GLCE: variants seen among roughly 807,000 people sequenced by gnomAD.
GLCE encodes the protein glucuronic acid epimerase.
A neutral mutation model predicts 47.9 loss-of-function variants in GLCE; 19 were observed. That is an observed-to-expected ratio of 0.40 (90% CI 0.28 to 0.58). The LOEUF (loss-of-function observed/expected upper bound fraction) is 0.58. Among genes scored for constraint, GLCE ranks in the 20% least tolerant of loss-of-function variants. The pLI is 0.48. For missense variants in GLCE, 556 were observed against 743.3 expected (o/e 0.75, Z 2.93); for synonymous variants, 245 against 263.4 (o/e 0.93, Z 0.68).
intron 1 of GLCE, among the ~76,000 whole-genome samples, chr15:69,188,089 A>C (rs1241304544): frequency 6.6e-6 from 1 of 152,038 alleles, no homozygotes; most frequent in Non-Finnish European, 1.5e-5. Context: ...ACAACAACAA[A>C]AAAATTAGCT....
intron 2 of GLCE, among the ~76,000 whole-genome samples, chr15:69,235,091 T>A (rs12440704): frequency 0.13 from 14,461 of 110,454 alleles, 888 homozygotes; most frequent in East Asian, 0.16. Context: ...ATGAAGATTA[T>A]TCTTTTTTTT....
At chr15:69,233,590 T>G (rs1191809641) in intron 2 of GLCE, among the ~76,000 whole-genome samples, 2 of 152,194 alleles carry the variant, frequency 1.3e-5, no homozygotes, top group Admixed American at 6.5e-5. Context: ...CTTTGCTTCC[T>G]AGAGGTGGAG....
intron 2 of GLCE, among the ~76,000 whole-genome samples, chr15:69,232,911 A>G (rs1343635191): frequency 6.6e-6 from 1 of 152,224 alleles, no homozygotes; most frequent in Admixed American, 6.5e-5. Flanking sequence ...GTCATAGACT[A>G]AATGAGAGTA....
chr15:69,257,699 TA>T (rs2052946955), intron 3 of GLCE, among the ~76,000 whole-genome samples: 1 of 152,020 alleles, frequency 6.6e-6, no homozygotes, highest in Non-Finnish European at 1.5e-5. Flanking sequence ...CCTATACTCT[TA>T]CCACCTCAAT....
At position 69,268,647 on chromosome 15, in the gene GLCE, A is replaced by G; in HGVS notation, c.1257A>G (p.Lys419=). The G allele has an allele frequency of 6.2e-7, 1 of 1,614,218 alleles. No homozygotes were observed. Among genetic ancestry groups the G allele is most frequent in the Non-Finnish European group, 8.5e-7 (1 of 1,180,038 alleles). ...SDWLVRNQDE[K]GGWPIMVTRK... The stretch of plus-strand genomic sequence containing the variant: ...GGCTAGTAAGGAACCAGGATGAGAA[A>G]GGTGGCTGGCCAATTATGGTGACCC... The change falls in exon 5 of 5, where the codon AAA becomes AAG. Residue 419 remains lysine (K), a synonymous_variant. Coordinates refer to ENST00000261858, the MANE Select transcript of GLCE (RefSeq NM_015554.3).
chr15:69,170,134 A>G (rs2051567664), intron 1 of GLCE, among the ~76,000 whole-genome samples: 1 of 152,180 alleles, frequency 6.6e-6, no homozygotes, highest in Non-Finnish European at 1.5e-5. Context: ...GCTAATTTAT[A>G]TGCCAATATG....
chr15:69,184,777 T>C (rs2051798610), intron 1 of GLCE, among the ~76,000 whole-genome samples: 1 of 152,226 alleles, frequency 6.6e-6, no homozygotes, highest in African/African-American at 2.4e-5. Flanking sequence ...AGTGCTGGCT[T>C]TATTCCAGGG....
At chr15:69,179,796 G>T (rs191198249) in intron 1 of GLCE, among the ~76,000 whole-genome samples, 1 of 152,260 alleles carries the variant, frequency 6.6e-6, no homozygotes, top group East Asian at 1.9e-4. Context: ...AGACCAGCCT[G>T]GCTAACATGG....
At chr15:69,212,409 A>G (rs1409097622) in intron 2 of GLCE, among the ~76,000 whole-genome samples, 1 of 152,024 alleles carries the variant, frequency 6.6e-6, no homozygotes, top group Non-Finnish European at 1.5e-5. Context: ...TCTCTTTCAT[A>G]TAATCTTAGA....
Position 69,256,089 on chromosome 15 carries a change from G to A in GLCE, c.283G>A (p.Val95Met). The A allele has an allele frequency of 6.2e-7, 1 of 1,614,128 alleles. No individual in the cohort carries two copies. The highest frequency in any genetic ancestry group is 1.6e-4 in the Middle Eastern group (1 of 6,062). Residue 95 changes from valine (V) to methionine (M), a missense_variant, in exon 3 of 5, where the codon GTG (valine) becomes ATG (methionine). Val to Met is a conservative substitution (Grantham distance 21, BLOSUM62 1). This residue lies in a region of GLCE where 237 missense variants were observed against 310.9 expected (regional missense o/e 0.76). Transcript: ENST00000261858. Reference sequence around the variant, plus strand: ...TGTTGTTGGGGGCTTCAATAGCAATGTGGGAAGTAAGGTGTTAGGGCTCAA... The same window carrying A: ...TGTTGTTGGGGGCTTCAATAGCAATATGGGAAGTAAGGTGTTAGGGCTCAA... ...PPVVGGFNSNVGSKVLGLKYE... is the reference protein window; with the variant it reads ...PPVVGGFNSNMGSKVLGLKYE...
intron 1 of GLCE, among the ~76,000 whole-genome samples, chr15:69,186,687 A>G (rs1014988695): frequency 6.6e-6 from 1 of 152,230 alleles, no homozygotes; most frequent in African/African-American, 2.4e-5. Flanking sequence ...GCTACTAGTT[A>G]GTATATCCAA....
intron 4 of GLCE, among the ~76,000 whole-genome samples, chr15:69,267,228 C>CTCT (rs2053099082): frequency 6.6e-6 from 1 of 152,112 alleles, no homozygotes; most frequent in African/African-American, 2.4e-5. Flanking sequence ...ACTTTTTGAC[C>CTCT]TCTGAAGCCA....
intron 1 of GLCE, among the ~76,000 whole-genome samples, chr15:69,195,450 G>A (rs889477429): frequency 2.0e-5 from 3 of 152,130 alleles, no homozygotes; most frequent in African/African-American, 7.2e-5. Flanking sequence ...TTGTGTGTGT[G>A]TGTGTTTGTG....
Position 69,255,880 on chromosome 15 carries a change from T to G in GLCE, c.74T>G (p.Val25Gly). ...TGCGCACTCTTCACTTTGGTCACAG[T>G]ACTTTTGTGGAATAAGTGTTCCAGT... ...IICALFTLVT[V>G]LLWNKCSSDK... Residue 25 changes from valine (V) to glycine (G), a missense_variant, in exon 3 of 5, where the codon GTA becomes GGA. Physicochemically the swap from Val to Gly is moderately radical, Grantham distance 109. Around this residue, in one of 3 missense-constraint regions of GLCE, gnomAD observed 237 missense variants for 310.9 expected, o/e 0.76. Coordinates refer to ENST00000261858, the MANE Select transcript of GLCE (RefSeq NM_015554.3). The G allele has an allele frequency of 1.9e-6, 3 of 1,614,100 alleles. No individual in the cohort carries two copies. The highest frequency in any genetic ancestry group is 2.5e-6 in the Non-Finnish European group (3 of 1,179,976).
At chr15:69,162,262 AGCGTAG>A (rs1447825711) in intron 1 of GLCE, among the ~76,000 whole-genome samples, 1 of 152,162 alleles carries the variant, frequency 6.6e-6, no homozygotes, top group Non-Finnish European at 1.5e-5. Context: ...TTTGGTAACT[AGCGTAG>A]GCGTAGGTGG....
intron 2 of GLCE, among the ~76,000 whole-genome samples, chr15:69,250,764 C>T (rs1314413843): frequency 6.7e-6 from 1 of 150,236 alleles, no homozygotes; most frequent in Non-Finnish European, 1.5e-5. Flanking sequence ...TACCCCAGTC[C>T]CAAGTAGCTG....
chr15:69,255,986 G>T lies in GLCE; in HGVS notation c.180G>T (p.Glu60Asp), dbSNP rs1374179389. The change falls in exon 3 of 5, where the codon GAG becomes GAT. Residue 60 changes from glutamate (E) to aspartate (D), a missense_variant. Coordinates refer to ENST00000261858, the MANE Select transcript of GLCE (RefSeq NM_015554.3). ...DGFEKRAAAS[E>D]SNNYMNHVAK... is the part of the protein sequence containing the mutation. ...TTGAAAAAAGAGCAGCAGCATCTGA[G>T]AGTAACAACTATATGAACCACGTGG... 3.7e-6 allele frequency: 6 copies of T among 1,614,044 alleles called. No individual in the cohort carries two copies. The highest frequency in any genetic ancestry group is 5.1e-6 in the Non-Finnish European group (6 of 1,179,988).
intron 2 of GLCE, among the ~76,000 whole-genome samples, chr15:69,253,682 G>A (rs2052881075): frequency 6.6e-6 from 1 of 152,196 alleles, no homozygotes; most frequent in African/African-American, 2.4e-5. Context: ...GAGGACACAA[G>A]TTTTTAGATT....
At chr15:69,230,996 T>C (rs1263617663) in intron 2 of GLCE, among the ~76,000 whole-genome samples, 2 of 152,208 alleles carry the variant, frequency 1.3e-5, no homozygotes, top group Non-Finnish European at 2.9e-5. Context: ...GTATTTCAGA[T>C]GGAATACTTG....
Sources: gnomAD v4.1 joint callset for allele counts (sites outside exome capture counted in the v4.1 genomes callset) on GRCh38, gnomAD v4.1.1 for gene constraint, gnomAD v4.1.1 regional missense constraint, MANE v1.5 for transcripts, NCBI Gene and HGNC (gene_info 2026-07-23, HGNC 2026-07-21) for gene names.